TRPS1: variants seen among roughly 807,000 people sequenced by gnomAD.
TRPS1 encodes the protein zinc finger transcription factor Trps1.
TRPS1 carries 6 observed loss-of-function variants against 101.2 expected under a neutral mutation model. That is an observed-to-expected ratio of 0.06 (90% CI 0.03 to 0.12). The LOEUF is 0.12. Among genes scored for constraint, TRPS1 ranks in the 10% least tolerant of loss-of-function variants. The probability of loss-of-function intolerance (pLI) is 1.00; values close to 1 mark genes in which losing one functional copy is unlikely to be tolerated. For missense variants in TRPS1, 1,363 were observed against 1,567.0 expected (o/e 0.87, Z 2.20); for synonymous variants, 578 against 589.8 (o/e 0.98, Z 0.29).
intron 5 of TRPS1, among the ~76,000 whole-genome samples, chr8:115,523,259 C>T (rs930179765): frequency 6.6e-6 from 1 of 152,044 alleles, no homozygotes; most frequent in Non-Finnish European, 1.5e-5. Context: ...ATCAGAAGGG[C>T]TTAAAAGGTT....
At chr8:115,499,936 T>C (rs1815262768) in intron 5 of TRPS1, among the ~76,000 whole-genome samples, 1 of 78,446 alleles carries the variant, frequency 1.3e-5, no homozygotes. Context: ...TCTTTCTTTC[T>C]TTCTTTCTTT....
intron 3 of TRPS1, among the ~76,000 whole-genome samples, chr8:115,605,233 G>A (rs1405508581): frequency 1.3e-5 from 2 of 152,128 alleles, no homozygotes; most frequent in Admixed American, 6.5e-5. Flanking sequence ...AAAGTAACAG[G>A]TGAAGGTAAG....
chr8:115,497,752 A>G (rs937603392), intron 5 of TRPS1, among the ~76,000 whole-genome samples: 1 of 152,202 alleles, frequency 6.6e-6, no homozygotes, highest in African/African-American at 2.4e-5. Flanking sequence ...TGACACAAAA[A>G]TAGCAGAGAT....
chr8:115,459,275 G>C (rs994986898), intron 5 of TRPS1, among the ~76,000 whole-genome samples: 3 of 152,070 alleles, frequency 2.0e-5, no homozygotes, highest in Non-Finnish European at 4.4e-5. Context: ...AGTGAGCAGA[G>C]ATCGCGCCAC....
intron 5 of TRPS1, among the ~76,000 whole-genome samples, chr8:115,434,002 G>T (rs905497766): frequency 7.9e-5 from 12 of 152,092 alleles, no homozygotes; most frequent in Admixed American, 5.2e-4. Context: ...GTAGATTTAG[G>T]ATTATTTAAA....
chr8:115,499,911 C>A (rs1815258675), intron 5 of TRPS1, among the ~76,000 whole-genome samples: 1 of 146,478 alleles, frequency 6.8e-6, no homozygotes, highest in Non-Finnish European at 1.5e-5. Flanking sequence ...TGGAAAAGTG[C>A]TAAATTTCTT....
intron 5 of TRPS1, among the ~76,000 whole-genome samples, chr8:115,451,990 C>T (rs1302960886): frequency 2.6e-5 from 4 of 152,154 alleles, no homozygotes; most frequent in Admixed American, 2.6e-4. Flanking sequence ...AAAACTTAAG[C>T]GCTAAAGGCC....
At chr8:115,537,747 C>CA (rs534439473) in intron 5 of TRPS1, among the ~76,000 whole-genome samples, 220 of 152,196 alleles carry the variant, frequency 1.4e-3, no homozygotes, top group Non-Finnish European at 2.1e-3. Flanking sequence ...TTTTCAAAAA[C>CA]AAAAAATCCA....
chr8:115,647,208 T>C (rs1192432362), intron 1 of TRPS1, among the ~76,000 whole-genome samples: 1 of 152,118 alleles, frequency 6.6e-6, no homozygotes, highest in Non-Finnish European at 1.5e-5. Flanking sequence ...AAAATATCTC[T>C]TGTGGAAAAA....
chr8:115,422,016 C>T (rs1369400728), intron 5 of TRPS1, among the ~76,000 whole-genome samples: 1 of 152,170 alleles, frequency 6.6e-6, no homozygotes, highest in African/African-American at 2.4e-5. Flanking sequence ...TTCATTCATA[C>T]TTTATCCTGC....
At chr8:115,580,152 A>G (rs1821283457) in intron 5 of TRPS1, among the ~76,000 whole-genome samples, 1 of 151,756 alleles carries the variant, frequency 6.6e-6, no homozygotes, top group Admixed American at 6.6e-5. Flanking sequence ...TGAGTTAACA[A>G]GCAGAGCAGT....
chr8:115,567,176 A>G (rs939918901), intron 5 of TRPS1, among the ~76,000 whole-genome samples: 1 of 152,134 alleles, frequency 6.6e-6, no homozygotes, highest in Non-Finnish European at 1.5e-5. Flanking sequence ...AGACAGATGA[A>G]TAAAAAGATT....
intron 5 of TRPS1, among the ~76,000 whole-genome samples, chr8:115,488,543 T>A (rs1256142018): frequency 6.6e-6 from 1 of 152,032 alleles, no homozygotes. Context: ...GGCGTGGTGA[T>A]GTACGCCTGT....
intron 5 of TRPS1, among the ~76,000 whole-genome samples, chr8:115,532,290 C>T (rs1472650328): frequency 6.6e-6 from 1 of 151,260 alleles, no homozygotes; most frequent in African/African-American, 2.4e-5. Flanking sequence ...GTAAATAGTA[C>T]AGCAAATATT....
chr8:115,539,793 G>A (rs1053683919), intron 5 of TRPS1, among the ~76,000 whole-genome samples: 1 of 152,196 alleles, frequency 6.6e-6, no homozygotes, highest in South Asian at 2.1e-4. Context: ...GGGAGGCAGA[G>A]GTTGCAATGA....
chr8:115,591,013 C>A (rs1000726198), intron 4 of TRPS1, among the ~76,000 whole-genome samples: 3 of 151,936 alleles, frequency 2.0e-5, no homozygotes, highest in Non-Finnish European at 2.9e-5. Context: ...AGATCCTTTG[C>A]TTTAGGACAT....
At chr8:115,566,715 T>A (rs1364293531) in intron 5 of TRPS1, among the ~76,000 whole-genome samples, 1 of 152,158 alleles carries the variant, frequency 6.6e-6, no homozygotes, top group Non-Finnish European at 1.5e-5. Context: ...TGTAAAAATT[T>A]AAGACAGCTA....
intron 5 of TRPS1, among the ~76,000 whole-genome samples, chr8:115,449,528 A>C (rs1340061783): frequency 2.0e-5 from 3 of 152,204 alleles, no homozygotes. Flanking sequence ...ACAAATCCAA[A>C]GGCTTCAGAG....
chr8:115,617,038 C>A (rs1818291031), intron 3 of TRPS1, among the ~76,000 whole-genome samples: 1 of 152,180 alleles, frequency 6.6e-6, no homozygotes. Flanking sequence ...GCAAAGCATT[C>A]AAGATTAGCA....
Sources: allele counts gnomAD v4.1 joint callset (sites outside exome capture counted in the v4.1 genomes callset), GRCh38; gene constraint gnomAD v4.1.1; transcripts MANE v1.5; gene names NCBI Gene and HGNC (gene_info 2026-07-23, HGNC 2026-07-21).